HERC1: variants seen among roughly 807,000 people sequenced by gnomAD.
HERC1 encodes HECT and RLD domain containing E3 ubiquitin protein ligase family member 1.
HERC1 carries 160 observed loss-of-function variants against 554.3 expected under a neutral mutation model. The observed-to-expected ratio is 0.29, with a 90% CI of 0.25 to 0.33. The LOEUF is 0.33. Among genes scored for constraint, HERC1 ranks in the 10% least tolerant of loss-of-function variants. The probability of loss-of-function intolerance (pLI) is 1.00; values close to 1 mark genes in which losing one functional copy is unlikely to be tolerated. For missense variants in HERC1, 4,919 were observed against 5,918.5 expected, an observed-to-expected ratio of 0.83 and a Z score of 5.54; for synonymous variants, 2,175 against 2,131.7, an observed-to-expected ratio of 1.02 and a Z score of -0.56.
chr15:63,731,775 T>C (rs2074304789), intron 14 of HERC1, among the ~76,000 whole-genome samples: 1 of 152,192 alleles, frequency 6.6e-6, no homozygotes, highest in Non-Finnish European at 1.5e-5. Flanking sequence ...AGTTACACAG[T>C]ACACTCTGAT....
chr15:63,753,127 A>G, intron 7 of HERC1, 42 bp from the exon 8 acceptor site: 1 of 1,479,876 alleles, frequency 6.8e-7, no homozygotes, highest in Non-Finnish European at 9.1e-7. Flanking sequence ...TGTTTTAAAG[A>G]ACCTCTACTC....
In HERC1 at chr15:63,712,862, G is replaced by A; in HGVS notation, c.4497C>T (p.Val1499=). 6.2e-7 allele frequency: 1 copy of A among 1,613,478 alleles called. No homozygotes were observed. Among genetic ancestry groups the A allele is most frequent in the Non-Finnish European group, 8.5e-7 (1 of 1,179,658 alleles). ...SESLTAESRL[V]HTSPNYRLIK... is the part of the protein sequence containing the mutation. ...TCAGTCTATAATTTGGGCTTGTGTG[G>A]ACTAGCCGGCTCTCTGCAGTAAGAC... Residue 1499 remains valine, a synonymous_variant, in exon 24 of 78, where the codon GTC becomes GTT. Coordinates refer to ENST00000443617, the MANE Select transcript of HERC1 (RefSeq NM_003922.4).
intron 1 of HERC1, among the ~76,000 whole-genome samples, chr15:63,825,206 C>G (rs963737376): frequency 1.3e-5 from 2 of 152,120 alleles, no homozygotes; most frequent in African/African-American, 4.8e-5. Context: ...ATGGCTAAGG[C>G]ATGAGAATCA....
rs1205557330 is a variant in HERC1 at position 63,628,831 on chromosome 15, A to C, written c.12967-16T>G. 6.2e-7 allele frequency: 1 copy of C among 1,607,816 alleles called. No homozygotes were observed. Among genetic ancestry groups the C allele is most frequent in the East Asian group, 2.2e-5 (1 of 44,860 alleles). The stretch of plus-strand genomic sequence containing the variant: ...CTAAGCCGAGCTGGGAATAAATCAC[A>C]AATATACAGACATTCAATTAGAAAG... On this transcript the variant is annotated splice_polypyrimidine_tract_variant and intron_variant, in intron 69 of 77. Transcript: ENST00000443617.
intron 76 of HERC1, among the ~76,000 whole-genome samples, chr15:63,613,675 T>TA (rs547243543): frequency 2.3e-4 from 35 of 150,464 alleles, no homozygotes; most frequent in African/African-American, 2.9e-4. Flanking sequence ...ATTATATATA[T>TA]AAAAAAAAAC....
At position 63,772,911 on chromosome 15, in the gene HERC1, C is replaced by G. The variant is rs542266234; in HGVS notation, c.930+1783G>C. ...TATGATAAAATTGTAAAACATGACC[C>G]AATATTTACCATTTAGTTCATAAAT... On this transcript the variant is annotated intron_variant, in intron 2 of 77. Coordinates refer to ENST00000443617, the MANE Select transcript of HERC1 (RefSeq NM_003922.4). Among the ~76,000 whole-genome samples the G allele has an allele frequency of 1.2e-4, 18 of 152,104 alleles. No individual in the cohort carries two copies. In the South Asian group the frequency reaches 3.3e-3, roughly 28 times the overall value.
chr15:63,682,074 A>G (rs2071507620), intron 34 of HERC1, among the ~76,000 whole-genome samples: 1 of 152,160 alleles, frequency 6.6e-6, no homozygotes, highest in Non-Finnish European at 1.5e-5. Context: ...AACAACCCTG[A>G]TGCATTAGAA....
chr15:63,634,736 T>A lies in HERC1; in HGVS notation c.12567A>T (p.Gly4189=). Residue 4189 remains glycine (G), a synonymous_variant, in exon 66 of 78, where the codon GGA becomes GGT. Transcript: ENST00000443617. ...RVTALEGYQI[G]QVACGLNHTL... ...ATCTTATTGATTTATTCCATGCCTG[T>A]CCAATCTGATATCCCTCCAGTGCAG... is the stretch of plus-strand genomic sequence containing the variant. 1 of 1,612,018 alleles carries A rather than the reference T, an allele frequency of 6.2e-7. No homozygotes were observed. Among genetic ancestry groups the A allele is most frequent in the Non-Finnish European group, 8.5e-7 (1 of 1,178,804 alleles).
At chr15:63,636,208 G>A (rs1012684822) in intron 64 of HERC1, 66 bp from the exon 65 acceptor site, 2 of 1,381,964 alleles carry the variant, frequency 1.4e-6, no homozygotes, top group Non-Finnish European at 2.0e-6. Context: ...ACTTGCAGCT[G>A]CTACTGAATA....
In HERC1 at chr15:63,656,078, A is replaced by G; in HGVS notation, c.9870+10T>C. On this transcript the variant is annotated intron_variant, in intron 49 of 77. Transcript: ENST00000443617. The stretch of plus-strand genomic sequence containing the variant: ...CAATGTAACGGGGAAAAGTACTGAA[A>G]GTAGCTTACCTGTGTACACAACTGT... 1.9e-6 allele frequency: 3 copies of G among 1,609,444 alleles called. No homozygotes were observed. Among genetic ancestry groups the G allele is most frequent in the Non-Finnish European group, 2.6e-6 (3 of 1,176,462 alleles).
chr15:63,726,372 A>T (rs1040447650), intron 17 of HERC1, among the ~76,000 whole-genome samples: 1 of 152,244 alleles, frequency 6.6e-6, no homozygotes, highest in Admixed American at 6.5e-5. Flanking sequence ...AATGAAATAA[A>T]AATAGAGACT....
intron 1 of HERC1, among the ~76,000 whole-genome samples, chr15:63,787,756 A>T (rs1026592064): frequency 3.2e-4 from 49 of 151,886 alleles, no homozygotes; most frequent in Admixed American, 3.9e-4. Context: ...ATCTCTTTTT[A>T]AAAAACTTAC....
At chr15:63,703,307 C>T (rs151170432) in intron 25 of HERC1, among the ~76,000 whole-genome samples, 1 of 152,144 alleles carries the variant, frequency 6.6e-6, no homozygotes, top group African/African-American at 2.4e-5. Flanking sequence ...CAGCGTGAAT[C>T]TTAGTATCCC....
At position 63,664,485 on chromosome 15, in the gene HERC1, G is replaced by A; in HGVS notation, c.8665C>T (p.Leu2889=). The A allele has an allele frequency of 3.7e-6, 6 of 1,613,434 alleles. No homozygotes were observed. Among genetic ancestry groups the A allele is most frequent in the Non-Finnish European group, 3.4e-6 (4 of 1,179,500 alleles). ...ATAAAATTACCTGCTCTTGCTAGCAGTGTGCGAGCAGCTAAGTCAAACTTG... is the reference window on the plus strand; with the variant it reads ...ATAAAATTACCTGCTCTTGCTAGCAATGTGCGAGCAGCTAAGTCAAACTTG... ...RHKFDLAART[L]LARAAGLYRS... Residue 2889 remains leucine, a synonymous_variant, in exon 43 of 78, where the codon CTG becomes TTG. Transcript: ENST00000443617.
At chr15:63,672,825 A>G (rs1051638018) in intron 38 of HERC1, 131 bp from the exon 39 acceptor site, 1 of 648,678 alleles carries the variant, frequency 1.5e-6, no homozygotes, top group African/African-American at 1.8e-5. Context: ...AATTTCTATG[A>G]AAGATTGACA....
chr15:63,655,823 T>C lies in HERC1; in HGVS notation c.10003A>G (p.Thr3335Ala). The C allele has an allele frequency of 6.3e-7, 1 of 1,598,356 alleles. No individual in the cohort carries two copies. Among genetic ancestry groups the C allele is most frequent in the Non-Finnish European group, 8.5e-7 (1 of 1,171,722 alleles). ...GCTAGCAATGCCACAAGGGCCTGTG[T>C]TACAACAAAGTTTGGGGAGGTCACA... is the stretch of plus-strand genomic sequence containing the variant. ...KLVTSPNFVV[T>A]QALVALLADK... The change falls in exon 50 of 78, where the codon ACA becomes GCA. Residue 3335 changes from threonine (T) to alanine (A), a missense_variant. Coordinates refer to ENST00000443617, the MANE Select transcript of HERC1 (RefSeq NM_003922.4).
chr15:63,724,717 C>G (rs2073968687), intron 18 of HERC1, among the ~76,000 whole-genome samples: 1 of 152,124 alleles, frequency 6.6e-6, no homozygotes, highest in South Asian at 2.1e-4. Flanking sequence ...GATAAAACAA[C>G]TGGATTATCT....
chr15:63,624,137 AAC>A lies in HERC1; in HGVS notation c.13445+19_13445+20del. 6.3e-7 allele frequency: 1 copy of A among 1,575,956 alleles called. No individual in the cohort carries two copies. The highest frequency in any genetic ancestry group is 8.6e-7 in the Non-Finnish European group (1 of 1,158,762). The stretch of plus-strand genomic sequence containing the variant: ...TGAAAAAATCACAGCTCATTAGTCA[AAC>A]ACACATACATATGCTAACCTGGTTG... On this transcript the variant is annotated intron_variant, in intron 72 of 77. Transcript: ENST00000443617.
chr15:63,650,055 A>G (rs1306129401), intron 53 of HERC1, 130 bp from the exon 54 acceptor site: 5 of 644,336 alleles, frequency 7.8e-6, no homozygotes, highest in African/African-American at 7.3e-5. Context: ...CTACTAATGA[A>G]TAAGACCATG....
Sources: allele counts gnomAD v4.1 joint callset (sites outside exome capture counted in the v4.1 genomes callset), GRCh38; gene constraint gnomAD v4.1.1; transcripts MANE v1.5; gene names NCBI Gene and HGNC (gene_info 2026-07-23, HGNC 2026-07-21).